The following NELL2 variants were observed in gnomAD, a reference collection of about 807,000 sequenced individuals.
NELL2 encodes the protein neural EGFL like 2, also known as protein kinase C-binding protein NELL2.
NELL2 carries 41 observed loss-of-function variants against 109.6 expected under a neutral mutation model. That is an observed-to-expected ratio of 0.37 (90% CI 0.29 to 0.49). The LOEUF (loss-of-function observed/expected upper bound fraction) is 0.49, where lower values mean the gene tolerates loss of function less well. Ranked by LOEUF, NELL2 falls within the 20% of genes least tolerant of loss-of-function variation. The probability of loss-of-function intolerance (pLI) is 0.98; values close to 1 mark genes in which losing one functional copy is unlikely to be tolerated. For synonymous variants in NELL2, 355 were observed against 344.7 expected (o/e 1.03, Z -0.33); for missense variants, 900 against 1,008.3 (o/e 0.89, Z 1.45).
chr12:44,566,533 T>TCACACACACACA (rs3071958), intron 15 of NELL2, among the ~76,000 whole-genome samples: 7 of 148,866 alleles, frequency 4.7e-5, no homozygotes, highest in African/African-American at 1.8e-4. Context: ...TTACACATAC[T>TCACACACACACA]CACACACACA....
intron 3 of NELL2, among the ~76,000 whole-genome samples, chr12:44,791,085 A>ATATATATG (rs1566403423): frequency 0.015 from 258 of 16,842 alleles, 14 homozygotes; most frequent in Non-Finnish European, 0.027. Context: ...ATATATACAT[A>ATATATATG]TATATATATA....
intron 9 of NELL2, among the ~76,000 whole-genome samples, chr12:44,752,605 A>G (rs1261592734): frequency 6.6e-6 from 1 of 152,190 alleles, no homozygotes; most frequent in African/African-American, 2.4e-5. Flanking sequence ...AATTCAATTC[A>G]GAAAGTCCTG....
intron 14 of NELL2, among the ~76,000 whole-genome samples, chr12:44,610,245 A>G: frequency 6.6e-6 from 1 of 151,754 alleles, no homozygotes; most frequent in Non-Finnish European, 1.5e-5. Context: ...AGAGAGCAAA[A>G]AAAAAAAAAC....
In NELL2 at chr12:44,617,492, C is replaced by G. The variant is rs1034859862; in HGVS notation, c.1445-6522G>C. Among the ~76,000 whole-genome samples the G allele has an allele frequency of 4.6e-5, 5 of 107,970 alleles. 2 individuals carry two copies. Among genetic ancestry groups the G allele is most frequent in the Non-Finnish European group, 9.0e-5 (5 of 55,280 alleles). 70.8% of individuals were successfully genotyped at this position (107,970 alleles called of 152,430 possible). The stretch of plus-strand genomic sequence containing the variant: ...CACGAGGTCAGGAGATCGAGACCAT[C>G]CTGGCTAAAACGGTGAAACCCCGTC... On this transcript the variant is annotated intron_variant, in intron 13 of 19. Transcript: ENST00000429094.
In NELL2 at chr12:44,677,605, A is replaced by G. The variant is rs569216186; in HGVS notation, c.1319-11996T>C. 2.6e-5 allele frequency among the ~76,000 whole-genome samples: 4 copies of G among 152,216 alleles called. No individual in the cohort carries two copies. The South Asian group carries it at 8.3e-4, about 32-fold the overall frequency. ...TTTATAAATGCATGGTAGAGGATAAATTAGAGAAGAGTAAAACTGGAAGCT... is the reference window on the plus strand; with the variant it reads ...TTTATAAATGCATGGTAGAGGATAAGTTAGAGAAGAGTAAAACTGGAAGCT... On this transcript the variant is annotated intron_variant, in intron 12 of 19. Coordinates refer to ENST00000429094, the MANE Select transcript of NELL2 (RefSeq NM_001145108.2).
At chr12:44,605,388 C>G (rs1040172261) in intron 15 of NELL2, among the ~76,000 whole-genome samples, 3 of 152,114 alleles carry the variant, frequency 2.0e-5, no homozygotes, top group Admixed American at 6.5e-5. Flanking sequence ...AACATATAAA[C>G]AGTACAACTA....
At chr12:44,521,766 T>C (rs1408805782) in intron 18 of NELL2, among the ~76,000 whole-genome samples, 2 of 152,004 alleles carry the variant, frequency 1.3e-5, no homozygotes, top group Non-Finnish European at 1.5e-5. Context: ...GAAAGAGACA[T>C]ACATTACTGT....
At chr12:44,733,533 G>T (rs1172729628) in intron 9 of NELL2, among the ~76,000 whole-genome samples, 1 of 151,786 alleles carries the variant, frequency 6.6e-6, no homozygotes, top group Admixed American at 6.6e-5. Flanking sequence ...AGAAAACAGA[G>T]TGATGGTTTC....
chr12:44,753,324 A>G (rs1026948613), intron 9 of NELL2, among the ~76,000 whole-genome samples: 2 of 152,068 alleles, frequency 1.3e-5, no homozygotes, highest in South Asian at 4.1e-4. Context: ...TTCATTCCCT[A>G]CCTTGTCCCT....
chr12:44,568,941 G>C (rs1592134064), intron 15 of NELL2, among the ~76,000 whole-genome samples: 1 of 152,110 alleles, frequency 6.6e-6, no homozygotes, highest in African/African-American at 2.4e-5. Flanking sequence ...AGGTAAACTT[G>C]TGTCATGGGA....
At chr12:44,522,823 G>A (rs1320254574) in intron 17 of NELL2, 1 of 157,788 alleles carries the variant, frequency 6.3e-6, no homozygotes, top group Non-Finnish European at 1.4e-5. Flanking sequence ...ATTCAAACAT[G>A]ATACTGTGAC....
chr12:44,677,905 T>G (rs1186530078), intron 12 of NELL2, among the ~76,000 whole-genome samples: 1 of 152,038 alleles, frequency 6.6e-6, no homozygotes, highest in Non-Finnish European at 1.5e-5. Context: ...GAGATGCTTA[T>G]GACACATCCA....
chr12:44,597,437 G>A (rs180681533), intron 15 of NELL2, among the ~76,000 whole-genome samples: 36 of 152,176 alleles, frequency 2.4e-4, no homozygotes, highest in East Asian at 1.2e-3. Flanking sequence ...AATAAGTAAC[G>A]TAGAATTTAA....
chr12:44,650,631 T>C (rs1160726928), intron 13 of NELL2, among the ~76,000 whole-genome samples: 3 of 152,118 alleles, frequency 2.0e-5, no homozygotes, highest in Non-Finnish European at 4.4e-5. Context: ...CTAACCCCAA[T>C]GTGGCTGTAT....
At chr12:44,891,688 T>C (rs1282257477) in intron 1 of NELL2, among the ~76,000 whole-genome samples, 2 of 152,202 alleles carry the variant, frequency 1.3e-5, no homozygotes, top group Non-Finnish European at 2.9e-5. Flanking sequence ...CCCACTAGAC[T>C]GAAAGCTCTA....
At chr12:44,815,914 T>C (rs1247958300) in intron 3 of NELL2, 72 bp downstream of exon 3, 3 of 1,493,998 alleles carry the variant, frequency 2.0e-6, no homozygotes, top group South Asian at 1.3e-5. Context: ...AAAGCTTTTG[T>C]TTACTTCTCT....
intron 16 of NELL2, among the ~76,000 whole-genome samples, chr12:44,524,731 G>A (rs1237801406): frequency 6.6e-6 from 1 of 151,844 alleles, no homozygotes; most frequent in Non-Finnish European, 1.5e-5. Flanking sequence ...CTAATGGATT[G>A]GATCAATAGC....
intron 11 of NELL2, among the ~76,000 whole-genome samples, chr12:44,707,451 G>A (rs1298193255): frequency 6.6e-6 from 1 of 152,100 alleles, no homozygotes; most frequent in East Asian, 1.9e-4. Flanking sequence ...ACAAAGGGAC[G>A]AGATTTGAGA....
intron 3 of NELL2, among the ~76,000 whole-genome samples, chr12:44,814,748 C>T (rs922280131): frequency 2.0e-5 from 3 of 152,136 alleles, no homozygotes; most frequent in South Asian, 2.1e-4. Flanking sequence ...ATAGTATGTC[C>T]CTAGGAACCT....
Sources: allele counts gnomAD v4.1 joint callset (sites outside exome capture counted in the v4.1 genomes callset), GRCh38; gene constraint gnomAD v4.1.1; transcripts MANE v1.5; gene names NCBI Gene and HGNC (gene_info 2026-07-23, HGNC 2026-07-21).